TAMM41: variants seen among roughly 807,000 people sequenced by gnomAD.
TAMM41 encodes phosphatidate cytidylyltransferase, mitochondrial.
In TAMM41, 36 loss-of-function variants were observed where a neutral mutation model predicts 44.1. That is an observed-to-expected ratio of 0.82 (90% CI 0.63 to 1.08). The LOEUF is 1.08. Among genes scored for constraint, TAMM41 ranks in the 50% least tolerant of loss-of-function variants. The probability of loss-of-function intolerance (pLI) is 0.00; values close to 1 mark genes in which losing one functional copy is unlikely to be tolerated. For missense variants in TAMM41, 417 were observed against 404.3 expected, an observed-to-expected ratio of 1.03 and a Z score of -0.27; for synonymous variants, 164 against 153.1, an observed-to-expected ratio of 1.07 and a Z score of -0.53.
At chr3:11,819,616 T>TG (rs1403066667) in intron 4 of TAMM41, among the ~76,000 whole-genome samples, 1 of 152,180 alleles carries the variant, frequency 6.6e-6, no homozygotes, top group Admixed American at 6.5e-5. Flanking sequence ...TATAACAGGC[T>TG]GGGCATGGTG....
At chr3:11,757,864 C>T in the TAMM41 span, among the ~76,000 whole-genome samples, 4 of 152,124 alleles carry the variant, frequency 2.6e-5, no homozygotes, top group East Asian at 3.8e-4. Flanking sequence ...AGCAGCTGCT[C>T]AGGAGGCGTT....
chr3:11,748,910 G>GTTTTTTT, the TAMM41 span, among the ~76,000 whole-genome samples: 2 of 77,380 alleles, frequency 2.6e-5, 1 homozygote, highest in African/African-American at 1.1e-4. Context: ...CTGGGAAGTA[G>GTTTTTTT]ATTTTTTTTT....
At chr3:11,815,285 G>GGAA (rs2124978115) in intron 5 of TAMM41, among the ~76,000 whole-genome samples, 1 of 152,266 alleles carries the variant, frequency 6.6e-6, no homozygotes, top group Admixed American at 6.5e-5. Context: ...GATAATGAAG[G>GGAA]GAAGGTGGAG....
chr3:11,810,337 A>T (rs1358144373), intron 5 of TAMM41, among the ~76,000 whole-genome samples: 1 of 152,234 alleles, frequency 6.6e-6, no homozygotes, highest in East Asian at 1.9e-4. Flanking sequence ...AAAGTATTCT[A>T]AAACATACTA....
chr3:11,745,216 A>G, the TAMM41 span, among the ~76,000 whole-genome samples: 1 of 152,158 alleles, frequency 6.6e-6, no homozygotes, highest in African/African-American at 2.4e-5. Flanking sequence ...CTGTAGTCCC[A>G]GCTACTTGGG....
the TAMM41 span, among the ~76,000 whole-genome samples, chr3:11,763,180 C>T: frequency 1.3e-5 from 2 of 152,224 alleles, no homozygotes; most frequent in South Asian, 4.1e-4. Context: ...TACCTGTCAC[C>T]CATGCTGCAG....
rs148079921 is a variant in TAMM41, at chr3:11,829,787, A to G, written c.489T>C (p.Ala163=). The G allele has an allele frequency of 1.5e-4, 242 of 1,614,048 alleles. No homozygotes were observed. The highest frequency in any genetic ancestry group is 6.6e-4 in the Middle Eastern group (4 of 6,084). Reference sequence around the variant, plus strand: ...AGCTTTCGGGGAGCATGAGGAAAGCAGCGGTCACAGCACTCTTCAGATTTC... The same window carrying G: ...AGCTTTCGGGGAGCATGAGGAAAGCGGCGGTCACAGCACTCTTCAGATTTC... ...LDRNLKSAVT[A]AFLMLPESFS... is the part of the protein sequence containing the mutation. The change falls in exon 4 of 8, where the codon GCT becomes GCC. Residue 163 remains alanine, a synonymous_variant. Transcript: ENST00000455809.
the TAMM41 span, among the ~76,000 whole-genome samples, chr3:11,755,110 A>G: frequency 2.6e-5 from 4 of 152,058 alleles, no homozygotes; most frequent in African/African-American, 9.7e-5. Flanking sequence ...GCCCTCAAAT[A>G]CAGGCCTCCC....
chr3:11,813,866 A>ATATATATGTATATATGTATATATGTG (rs1559287023), intron 5 of TAMM41, among the ~76,000 whole-genome samples: 1 of 142,758 alleles, frequency 7.0e-6, no homozygotes, highest in Non-Finnish European at 1.5e-5. Context: ...GTATGTATGT[A>ATATATATGTATATATGTATATATGTG]TATATATGTA....
At chr3:11,761,672 C>T in the TAMM41 span, among the ~76,000 whole-genome samples, 13 of 152,222 alleles carry the variant, frequency 8.5e-5, no homozygotes, top group South Asian at 1.7e-3. Context: ...CCCTTCCGGG[C>T]GCGGTGGCTC....
At chr3:11,806,450 C>G (rs1191647439) in intron 7 of TAMM41, among the ~76,000 whole-genome samples, 1 of 151,770 alleles carries the variant, frequency 6.6e-6, no homozygotes. Flanking sequence ...CAGGAGCATT[C>G]AGAGAACAGC....
chr3:11,778,902 A>T, the TAMM41 span, among the ~76,000 whole-genome samples: 2 of 151,896 alleles, frequency 1.3e-5, no homozygotes, highest in Admixed American at 6.6e-5. Context: ...TTTTTTTCCC[A>T]TTCTTTAGGT....
rs943273161 is a variant in TAMM41 at position 11,825,990 on chromosome 3, G to A, written c.562+3724C>T. Among the ~76,000 whole-genome samples, 4 of 152,044 alleles carry A rather than the reference G, an allele frequency of 2.6e-5. 1 individual carries two copies. The highest frequency in any genetic ancestry group is 2.9e-5 in the Non-Finnish European group (2 of 68,004). Reference sequence around the variant, plus strand: ...TAGCTGACAACATAATTCCACTTTGGAGAACACATCCAAGGAAGTCAGTGC... The same window carrying A: ...TAGCTGACAACATAATTCCACTTTGAAGAACACATCCAAGGAAGTCAGTGC... On this transcript the variant is annotated intron_variant, in intron 4 of 7. Coordinates refer to ENST00000455809, the MANE Select transcript of TAMM41 (RefSeq NM_001284401.2).
intron 3 of TAMM41, among the ~76,000 whole-genome samples, chr3:11,832,485 G>T (rs563158715): frequency 1.3e-5 from 2 of 152,278 alleles, no homozygotes; most frequent in South Asian, 2.1e-4. Context: ...TCAGAGACGT[G>T]AATTCTGAGG....
chr3:11,843,881 T>G, intron 2 of TAMM41, 148 bp downstream of exon 2: 1 of 786,274 alleles, frequency 1.3e-6, no homozygotes, highest in Admixed American at 2.9e-5. Flanking sequence ...ATATACATAC[T>G]ATAAAAACAT....
At chr3:11,722,646 A>G in the TAMM41 span, among the ~76,000 whole-genome samples, 2 of 152,232 alleles carry the variant, frequency 1.3e-5, no homozygotes, top group Admixed American at 6.5e-5. Flanking sequence ...CAGCCTGGCC[A>G]ACATGGCAAA....
chr3:11,835,872 T>C (rs1383796990), intron 3 of TAMM41, among the ~76,000 whole-genome samples: 1 of 152,136 alleles, frequency 6.6e-6, no homozygotes, highest in East Asian at 1.9e-4. Context: ...AGACTGTCAG[T>C]GGTGCAGGGT....
rs1168844765 is a variant in TAMM41, at chr3:11,846,854, G to A, written c.-218C>T. Reference sequence around the variant, plus strand: ...GAAGACGCAGCCCAGATAGGCTCGGGTGGGCGGCGGTCGCACAGGCAGAGC... The same window carrying A: ...GAAGACGCAGCCCAGATAGGCTCGGATGGGCGGCGGTCGCACAGGCAGAGC... On this transcript the variant is annotated 5_prime_UTR_variant, in exon 1 of 8. Transcript: ENST00000455809. The A allele has an allele frequency of 1.4e-5, 8 of 579,350 alleles. No homozygotes were observed. The highest frequency in any genetic ancestry group is 6.1e-6 in the Non-Finnish European group (2 of 330,094). The allele number at this position is 579,350 out of a possible 1,614,324, so 35.9% of individuals were successfully genotyped here.
At chr3:11,776,261 G>A in the TAMM41 span, among the ~76,000 whole-genome samples, 10 of 151,576 alleles carry the variant, frequency 6.6e-5, no homozygotes, top group African/African-American at 1.2e-4. Flanking sequence ...CTCATGATCC[G>A]CCCACCTCGG....
Sources: allele counts gnomAD v4.1 joint callset (sites outside exome capture counted in the v4.1 genomes callset), GRCh38; gene constraint gnomAD v4.1.1; transcripts MANE v1.5; gene names NCBI Gene and HGNC (gene_info 2026-07-23, HGNC 2026-07-21).